Variants in MRRF observed in about 807,000 individuals in gnomAD.
MRRF encodes ribosome-recycling factor, mitochondrial.
In MRRF, 18 loss-of-function variants were observed where a neutral mutation model predicts 25.1. That is an observed-to-expected ratio of 0.72 (90% CI 0.50 to 1.06). MRRF has a LOEUF of 1.06. Ranked by LOEUF, MRRF falls within the 50% of genes least tolerant of loss-of-function variation. The pLI is 0.00. For missense variants in MRRF, 323 were observed against 319.3 expected (o/e 1.01, Z -0.09); for synonymous variants, 113 against 112.1 (o/e 1.01, Z -0.05).
chr9:122,276,539 G>T (rs902623732), intron 2 of MRRF, among the ~76,000 whole-genome samples: 2 of 152,206 alleles, frequency 1.3e-5, no homozygotes, highest in Non-Finnish European at 2.9e-5. Flanking sequence ...TATAGCCCAT[G>T]AGTGTTTATT....
At position 122,325,702 on chromosome 9, in the gene MRRF, A is replaced by G. The variant is rs1836118303; in HGVS notation, c.*3085A>G. The G allele has an allele frequency of 7.7e-6, 1 of 130,070 alleles. No individual in the cohort carries two copies. The highest frequency in any genetic ancestry group is 2.4e-4 in the South Asian group (1 of 4,094). The allele number at this position is 130,070 out of a possible 1,614,324, so 8.1% of individuals were successfully genotyped here. On this transcript the variant is annotated 3_prime_UTR_variant, in exon 7 of 7. Transcript: ENST00000344641. Reference sequence around the variant, plus strand: ...TGTGTGTGTTGGAAATTACAAAATAAGTTGGAATGCAGAAAGTTAAAAAAA... The same window carrying G: ...TGTGTGTGTTGGAAATTACAAAATAGGTTGGAATGCAGAAAGTTAAAAAAA...
At chr9:122,280,342 C>A in intron 2 of MRRF, 101 bp from the exon 3 acceptor site, 1 of 1,281,514 alleles carries the variant, frequency 7.8e-7, no homozygotes, top group Non-Finnish European at 1.1e-6. Context: ...TTTTCTAACA[C>A]TTGACATTTT....
intron 5 of MRRF, among the ~76,000 whole-genome samples, chr9:122,297,802 G>A (rs1834186940): frequency 6.6e-6 from 1 of 152,090 alleles, no homozygotes; most frequent in African/African-American, 2.4e-5. Context: ...TTAGAGACAT[G>A]GACATTTCAG....
At chr9:122,288,773 T>C (rs1833567021) in intron 4 of MRRF, among the ~76,000 whole-genome samples, 1 of 152,208 alleles carries the variant, frequency 6.6e-6, no homozygotes, top group African/African-American at 2.4e-5. Flanking sequence ...AAAAGTCTTA[T>C]TTTTTTGTTG....
intron 6 of MRRF, among the ~76,000 whole-genome samples, 176 bp from the exon 7 acceptor site, chr9:122,322,362 CAA>C (rs953786106): frequency 1.5e-5 from 2 of 129,936 alleles, no homozygotes. Flanking sequence ...GACTTTGTCT[CAA>C]AAAAAAAAAA....
intron 5 of MRRF, among the ~76,000 whole-genome samples, chr9:122,301,552 G>GA (rs1208428500): frequency 6.6e-6 from 1 of 152,214 alleles, no homozygotes; most frequent in Non-Finnish European, 1.5e-5. Context: ...AAGCTCCTGT[G>GA]AAGGATAGAG....
At chr9:122,270,276 G>C (rs1443595589) in intron 1 of MRRF, among the ~76,000 whole-genome samples, 1 of 152,232 alleles carries the variant, frequency 6.6e-6, no homozygotes, top group African/African-American at 2.4e-5. Flanking sequence ...TAACACAGGA[G>C]AGGGTGGCAT....
At chr9:122,295,123 C>T (rs979053714) in intron 5 of MRRF, among the ~76,000 whole-genome samples, 8 of 152,152 alleles carry the variant, frequency 5.3e-5, no homozygotes, top group Non-Finnish European at 8.8e-5. Context: ...TCAGGCAGCT[C>T]ATCTGTGAAA....
At chr9:122,288,864 C>T (rs535857656) in intron 4 of MRRF, among the ~76,000 whole-genome samples, 9 of 152,314 alleles carry the variant, frequency 5.9e-5, no homozygotes, top group African/African-American at 9.6e-5. Context: ...CTCTGCCTGA[C>T]GCCCAGATGA....
At chr9:122,312,911 T>C (rs1835294717) in intron 5 of MRRF, among the ~76,000 whole-genome samples, 1 of 152,204 alleles carries the variant, frequency 6.6e-6, no homozygotes, top group African/African-American at 2.4e-5. Context: ...GCAGAAGTAA[T>C]GGCAGCAGTG....
intron 4 of MRRF, among the ~76,000 whole-genome samples, chr9:122,287,603 C>T (rs1444364642): frequency 6.6e-6 from 1 of 152,220 alleles, no homozygotes; most frequent in African/African-American, 2.4e-5. Context: ...ATGGCATTCA[C>T]AGAAGAAGCA....
intron 2 of MRRF, among the ~76,000 whole-genome samples, chr9:122,279,755 A>G (rs1832983035): frequency 6.6e-6 from 1 of 152,200 alleles, no homozygotes; most frequent in African/African-American, 2.4e-5. Flanking sequence ...GTAGTGTTTA[A>G]TGTCTGTAAA....
intron 5 of MRRF, among the ~76,000 whole-genome samples, chr9:122,311,664 GAA>G (rs1331312892): frequency 6.6e-6 from 1 of 151,922 alleles, no homozygotes; most frequent in African/African-American, 2.4e-5. Context: ...ACATTGTAGT[GAA>G]AAGAAAAGTT....
rs1836142395 is a variant in MRRF, at chr9:122,326,355, C to T, written c.*3738C>T. ...TTGAACTCCTGACTCAGGTGATCCA[C>T]CTGTCTCAGCCTCCCAAATTGCTGG... On this transcript the variant is annotated 3_prime_UTR_variant, in exon 7 of 7. Coordinates refer to ENST00000344641, the MANE Select transcript of MRRF (RefSeq NM_138777.5). 6.6e-6 allele frequency: 1 copy of T among 151,874 alleles called. No individual in the cohort carries two copies. Among genetic ancestry groups the T allele is most frequent in the Non-Finnish European group, 1.5e-5 (1 of 67,990 alleles). 9.4% of individuals were successfully genotyped at this position (151,874 alleles called of 1,614,324 possible). A position where few individuals can be genotyped will look rare whatever the true frequency, so the allele number is the denominator to read the frequency against.
intron 6 of MRRF, among the ~76,000 whole-genome samples, chr9:122,316,159 C>T (rs369483874): frequency 1.5e-4 from 23 of 152,156 alleles, no homozygotes; most frequent in African/African-American, 5.5e-4. Context: ...TCACAGATAT[C>T]TTTCTAAACA....
chr9:122,319,701 G>C (rs904296912), intron 6 of MRRF, among the ~76,000 whole-genome samples: 2 of 152,202 alleles, frequency 1.3e-5, no homozygotes, highest in East Asian at 3.9e-4. Context: ...TTTTAGGCAA[G>C]TGTCTGACAT....
Position 122,270,981 on chromosome 9 carries a change from A to G in MRRF, c.90A>G (p.Thr30=), listed in dbSNP as rs753037241. ...CTATCAGACCCGTTTCAGAAGTTAC[A>G]CTGAAGACAGTGCATGAAAGACAAC... is the stretch of plus-strand genomic sequence containing the variant. ...AASIRPVSEV[T]LKTVHERQHG... Residue 30 remains threonine (T), a synonymous_variant, in exon 2 of 7, where the codon ACA becomes ACG. Coordinates refer to ENST00000344641, the MANE Select transcript of MRRF (RefSeq NM_138777.5). 6.2e-6 allele frequency: 10 copies of G among 1,614,034 alleles called. No individual in the cohort carries two copies. The highest frequency in any genetic ancestry group is 3.3e-4 in the Middle Eastern group (2 of 6,084).
intron 5 of MRRF, among the ~76,000 whole-genome samples, chr9:122,310,654 G>C (rs902013727): frequency 6.6e-6 from 1 of 152,202 alleles, no homozygotes; most frequent in Non-Finnish European, 1.5e-5. Context: ...CTCTGGAAAA[G>C]GTGGGCCAGG....
chr9:122,274,984 T>G lies in MRRF; in HGVS notation c.184+3909T>G, dbSNP rs117852692. On this transcript the variant is annotated intron_variant, in intron 2 of 6. Coordinates refer to ENST00000344641, the MANE Select transcript of MRRF (RefSeq NM_138777.5). ...TCATTAATTTTTGGTCTTTCCTGTT[T>G]TCTTTTTTTCTTTGAAAAATTTTAT... 3.7e-3 allele frequency among the ~76,000 whole-genome samples: 567 copies of G among 152,266 alleles called. 4 individuals carry two copies. Among genetic ancestry groups the G allele is most frequent in the Middle Eastern group, 0.024 (7 of 294 alleles).
Sources: allele counts gnomAD v4.1 joint callset (sites outside exome capture counted in the v4.1 genomes callset), GRCh38; gene constraint gnomAD v4.1.1; transcripts MANE v1.5; gene names NCBI Gene and HGNC (gene_info 2026-07-23, HGNC 2026-07-21).